The following JHY variants were observed in gnomAD, a reference collection of about 807,000 sequenced individuals.
The protein encoded by JHY is junctional cadherin complex regulator.
JHY carries 69 observed loss-of-function variants against 78.0 expected under a neutral mutation model. The observed-to-expected ratio is 0.88, with a 90% CI of 0.73 to 1.08. The LOEUF (loss-of-function observed/expected upper bound fraction) is 1.08. Ranked by LOEUF, JHY falls within the 50% of genes least tolerant of loss-of-function variation. The pLI, the probability that JHY is intolerant of heterozygous loss-of-function variation, is 0.00. For missense variants in JHY, 944 were observed against 927.8 expected (o/e 1.02, Z -0.23); for synonymous variants, 368 against 342.6 (o/e 1.07, Z -0.82).
chr11:122,926,187 C>CAAAAAAAAAAAAAAAAAAAAAAAAA (rs574945272), intron 4 of JHY, among the ~76,000 whole-genome samples: 3 of 40,048 alleles, frequency 7.5e-5, no homozygotes, highest in Admixed American at 3.0e-4. Flanking sequence ...GACTCCATCT[C>CAAAAAAAAAAAAAAAAAAAAAAAAA]AAAAAAAAAA....
At chr11:122,927,124 T>A (rs1298584753) in intron 4 of JHY, 2 of 152,224 alleles carry the variant, frequency 1.3e-5, no homozygotes, top group African/African-American at 4.8e-5. Context: ...CCCACCATGA[T>A]GACTTGAAAT....
intron 3 of JHY, among the ~76,000 whole-genome samples, chr11:122,906,251 G>A (rs11218886): frequency 0.54 from 81,620 of 151,994 alleles, 22,228 homozygotes; most frequent in Non-Finnish European, 0.59. Context: ...GCAATCGCAC[G>A]ATCATAGCTC....
In JHY at chr11:122,961,301, G is replaced by T. The variant is rs1469481998; in HGVS notation, c.*1856G>T. Among the ~76,000 whole-genome samples, 1 of 141,076 alleles carries T rather than the reference G, an allele frequency of 7.1e-6. No homozygotes were observed. Among genetic ancestry groups the T allele is most frequent in the East Asian group, 2.0e-4 (1 of 5,088 alleles). The allele number at this position is 141,076 out of a possible 152,430, so 92.6% of individuals were successfully genotyped here. On this transcript the variant is annotated 3_prime_UTR_variant, in exon 9 of 9. Coordinates refer to ENST00000227349, the MANE Select transcript of JHY (RefSeq NM_024806.4). ...TTACTCAGCATTTGAGTTGTTCCATGATCATTTTTTTATTGTTGTTTTTTT... is the reference window on the plus strand; with the variant it reads ...TTACTCAGCATTTGAGTTGTTCCATTATCATTTTTTTATTGTTGTTTTTTT...
chr11:122,952,038 G>C (rs1388830305), intron 6 of JHY, among the ~76,000 whole-genome samples: 1 of 131,594 alleles, frequency 7.6e-6, no homozygotes, highest in Non-Finnish European at 1.6e-5. Flanking sequence ...TTTTAGTCTT[G>C]TAACAGCCAT....
At chr11:122,886,506 G>A (rs186599707) in intron 2 of JHY, among the ~76,000 whole-genome samples, 2 of 152,356 alleles carry the variant, frequency 1.3e-5, no homozygotes, top group East Asian at 3.9e-4. Context: ...GTATGGAAAA[G>A]GATGTGGAGT....
At chr11:122,957,767 A>T (rs1485485457) in intron 8 of JHY, among the ~76,000 whole-genome samples, 1 of 151,162 alleles carries the variant, frequency 6.6e-6, no homozygotes, top group Non-Finnish European at 1.5e-5. Flanking sequence ...TCCTGTAGCT[A>T]CCCATCATTC....
intron 2 of JHY, among the ~76,000 whole-genome samples, chr11:122,886,599 A>T (rs983609168): frequency 1.3e-5 from 2 of 151,968 alleles, no homozygotes; most frequent in South Asian, 2.1e-4. Context: ...TTATTTTTTT[A>T]AAAATTTTAT....
At chr11:122,922,088 G>T (rs1863379327) in intron 3 of JHY, among the ~76,000 whole-genome samples, 1 of 152,192 alleles carries the variant, frequency 6.6e-6, no homozygotes, top group Non-Finnish European at 1.5e-5. Context: ...TGCCATGTAG[G>T]TTAATCATTC....
At chr11:122,888,086 C>G (rs2135279981) in intron 2 of JHY, among the ~76,000 whole-genome samples, 1 of 152,032 alleles carries the variant, frequency 6.6e-6, no homozygotes, top group Non-Finnish European at 1.5e-5. Flanking sequence ...CTAGTTGAAT[C>G]AATCTCATAA....
intron 7 of JHY, 79 bp from the exon 8 acceptor site, chr11:122,957,270 GCCCAGTATACTGAA>G: frequency 7.3e-7 from 1 of 1,374,142 alleles, no homozygotes; most frequent in Non-Finnish European, 9.6e-7. Flanking sequence ...GATAAGATAC[GCCCAGTATACTGAA>G]ACCAGGGCAT....
At chr11:122,906,693 TTTAA>T (rs1333938642) in intron 3 of JHY, among the ~76,000 whole-genome samples, 1 of 152,256 alleles carries the variant, frequency 6.6e-6, no homozygotes, top group African/African-American at 2.4e-5. Context: ...TTATGAACTC[TTTAA>T]TTGTTGATTT....
chr11:122,889,581 C>T (rs1025691804), intron 2 of JHY, among the ~76,000 whole-genome samples: 17 of 152,190 alleles, frequency 1.1e-4, no homozygotes, highest in Admixed American at 7.9e-4. Flanking sequence ...GGGACTTTCC[C>T]ATCCCTGGAT....
At chr11:122,941,367 C>T (rs1415094690) in intron 5 of JHY, among the ~76,000 whole-genome samples, 2 of 152,168 alleles carry the variant, frequency 1.3e-5, no homozygotes, top group Non-Finnish European at 2.9e-5. Context: ...TCATGCTTCT[C>T]CTTTTCCATA....
At chr11:122,944,399 C>A (rs1256495267) in intron 5 of JHY, among the ~76,000 whole-genome samples, 1 of 151,924 alleles carries the variant, frequency 6.6e-6, no homozygotes, top group African/African-American at 2.4e-5. Context: ...TCTTTATATT[C>A]TTTTATTGTA....
chr11:122,899,089 G>A (rs773313523), intron 2 of JHY, among the ~76,000 whole-genome samples: 11 of 152,032 alleles, frequency 7.2e-5, no homozygotes, highest in Non-Finnish European at 1.0e-4. Flanking sequence ...CCTATGGCCC[G>A]GTGCTCCTCA....
chr11:122,889,489 T>C (rs1236750721), intron 2 of JHY, among the ~76,000 whole-genome samples: 1 of 152,214 alleles, frequency 6.6e-6, no homozygotes, highest in East Asian at 1.9e-4. Context: ...TTGTATTAGG[T>C]ATTATAAATA....
intron 6 of JHY, among the ~76,000 whole-genome samples, chr11:122,950,522 G>C (rs1046196414): frequency 1.8e-4 from 27 of 152,096 alleles, no homozygotes; most frequent in Admixed American, 5.2e-4. Flanking sequence ...TCATTCCTAG[G>C]TTCTCATCTC....
chr11:122,887,704 CA>C (rs1862526599), intron 2 of JHY, among the ~76,000 whole-genome samples: 1 of 150,668 alleles, frequency 6.6e-6, no homozygotes, highest in African/African-American at 2.4e-5. Context: ...GTCTTGAAAA[CA>C]AGCTAAGTTC....
intron 2 of JHY, among the ~76,000 whole-genome samples, chr11:122,887,740 G>T (rs1006845413): frequency 2.6e-5 from 4 of 152,112 alleles, no homozygotes; most frequent in Non-Finnish European, 5.9e-5. Flanking sequence ...GAATGGGAGT[G>T]ACATGTTTGT....
Sources: gnomAD v4.1 joint callset for allele counts (sites outside exome capture counted in the v4.1 genomes callset) on GRCh38, gnomAD v4.1.1 for gene constraint, MANE v1.5 for transcripts, NCBI Gene and HGNC (gene_info 2026-07-23, HGNC 2026-07-21) for gene names.